MAGI1: variants seen among roughly 807,000 people sequenced by gnomAD.
The protein encoded by MAGI1 is membrane-associated guanylate kinase, WW and PDZ domain-containing protein 1.
A neutral mutation model predicts 139.9 loss-of-function variants in MAGI1; 58 were observed. The ratio of observed to expected loss-of-function variants is 0.41; its 90% CI spans 0.34 to 0.52. The LOEUF is 0.52. MAGI1 is among the 20% of genes least tolerant of loss of function. The pLI, the probability that MAGI1 is intolerant of heterozygous loss-of-function variation, is 0.12. For missense variants in MAGI1, 1,874 were observed against 1,901.6 expected, an observed-to-expected ratio of 0.99 and a Z score of 0.27; for synonymous variants, 812 against 737.9, an observed-to-expected ratio of 1.10 and a Z score of -1.63.
intron 5 of MAGI1, among the ~76,000 whole-genome samples, chr3:65,459,845 G>C (rs1949654270): frequency 6.6e-6 from 1 of 152,020 alleles, no homozygotes; most frequent in Non-Finnish European, 1.5e-5. Context: ...AATCACCTGA[G>C]CTCAGAGAAG....
chr3:65,758,127 GACTCGAGGAGATA>G (rs1258213269), intron 1 of MAGI1, among the ~76,000 whole-genome samples: 19 of 152,138 alleles, frequency 1.2e-4, no homozygotes, highest in Non-Finnish European at 1.6e-4. Context: ...AAGGTCTGTT[GACTCGAGGAGATA>G]AATCTCCCAG....
chr3:65,415,016 AAAAC>A (rs1340399576), intron 12 of MAGI1, among the ~76,000 whole-genome samples: 105 of 67,412 alleles, frequency 1.6e-3, no homozygotes, highest in African/African-American at 3.8e-3. Flanking sequence ...GAAAAAAAAA[AAAAC>A]AAAAAAAAAA....
At chr3:65,382,733 A>G (rs1412922852) in intron 15 of MAGI1, among the ~76,000 whole-genome samples, 3 of 152,194 alleles carry the variant, frequency 2.0e-5, no homozygotes, top group African/African-American at 7.2e-5. Context: ...CATGAACTCG[A>G]GTCAGACCTT....
intron 1 of MAGI1, among the ~76,000 whole-genome samples, chr3:65,917,691 C>T (rs534740685): frequency 2.6e-4 from 39 of 152,184 alleles, no homozygotes; most frequent in Admixed American, 1.1e-3. Context: ...CAATGTGAAA[C>T]GGCTACATAC....
At chr3:65,775,502 C>CA (rs9311958) in intron 1 of MAGI1, among the ~76,000 whole-genome samples, 417 of 36,598 alleles carry the variant, frequency 0.011, 28 homozygotes, top group East Asian at 0.016. Flanking sequence ...CCCACTCTGC[C>CA]AAAAAAAAAA....
intron 3 of MAGI1, among the ~76,000 whole-genome samples, chr3:65,481,268 T>C (rs1951269928): frequency 6.6e-6 from 1 of 152,182 alleles, no homozygotes; most frequent in African/African-American, 2.4e-5. Context: ...GGCTAACACT[T>C]GAGCAAAGAA....
chr3:65,360,028 T>C (rs1038002545), intron 22 of MAGI1: 4 of 985,280 alleles, frequency 4.1e-6, no homozygotes, highest in Admixed American at 6.1e-5. Context: ...GCCATGTCTA[T>C]AGGGGCCTTG....
intron 1 of MAGI1, among the ~76,000 whole-genome samples, chr3:65,904,821 A>G (rs1240377164): frequency 1.3e-5 from 2 of 152,228 alleles, no homozygotes; most frequent in Non-Finnish European, 2.9e-5. Flanking sequence ...ATGTGGATGC[A>G]GCACCTGCCA....
chr3:65,870,156 C>T (rs1483571153), intron 1 of MAGI1, among the ~76,000 whole-genome samples: 1 of 151,794 alleles, frequency 6.6e-6, no homozygotes, highest in African/African-American at 2.4e-5. Flanking sequence ...GACAAATGTG[C>T]GTAATGATCA....
At position 65,454,526 on chromosome 3, in the gene MAGI1, T is replaced by TATAATAATAATA. The variant is rs35819390; in HGVS notation, c.960-1198_960-1187dup. ...TGCACATGTACCCTAAAACTGAAAG[T>TATAATAATAATA]ATAATAATAATAATAATAATAATAA... On this transcript the variant is annotated intron_variant, in intron 5 of 22. Coordinates refer to ENST00000402939, the MANE Select transcript of MAGI1 (RefSeq NM_001033057.2). Among the ~76,000 whole-genome samples the TATAATAATAATA allele has an allele frequency of 5.1e-3, 421 of 83,102 alleles. 1 individual carries two copies. The highest frequency in any genetic ancestry group is 6.8e-3 in the Middle Eastern group (1 of 148). The allele number at this position is 83,102 out of a possible 152,430, so 54.5% of individuals were successfully genotyped here. A position where few individuals can be genotyped will look rare whatever the true frequency, so the allele number is the denominator to read the frequency against.
intron 2 of MAGI1, among the ~76,000 whole-genome samples, chr3:65,539,370 A>G (rs2079104159): frequency 6.6e-6 from 1 of 152,192 alleles, no homozygotes; most frequent in African/African-American, 2.4e-5. Context: ...CTACTGTCAA[A>G]CAGACACATA....
At chr3:65,987,433 A>C (rs2107327725) in intron 1 of MAGI1, among the ~76,000 whole-genome samples, 1 of 152,294 alleles carries the variant, frequency 6.6e-6, no homozygotes, top group African/African-American at 2.4e-5. Flanking sequence ...ATATGAAGCT[A>C]AGATGTAGGT....
intron 2 of MAGI1, among the ~76,000 whole-genome samples, chr3:65,611,819 G>T (rs1243959873): frequency 6.6e-6 from 1 of 151,488 alleles, no homozygotes; most frequent in African/African-American, 2.4e-5. Flanking sequence ...TAACCAACCT[G>T]ACTGAGCTGC....
At chr3:65,962,769 G>A (rs757436071) in intron 1 of MAGI1, among the ~76,000 whole-genome samples, 5 of 146,118 alleles carry the variant, frequency 3.4e-5, no homozygotes, top group Non-Finnish European at 7.4e-5. Flanking sequence ...AGGTTGCAGT[G>A]AGCAGAGATC....
intron 3 of MAGI1, among the ~76,000 whole-genome samples, chr3:65,487,279 G>A (rs79424503): frequency 0.018 from 2,730 of 152,144 alleles, 39 homozygotes; most frequent in Middle Eastern, 0.027. Flanking sequence ...TTGGATATTC[G>A]TTTATTTAAA....
chr3:65,828,558 C>G (rs1259375155), intron 1 of MAGI1, among the ~76,000 whole-genome samples: 2 of 152,120 alleles, frequency 1.3e-5, no homozygotes, highest in African/African-American at 4.8e-5. Context: ...GCTGTACTTT[C>G]CAAACCCCAA....
chr3:65,584,903 A>G (rs1183626040), intron 2 of MAGI1, among the ~76,000 whole-genome samples: 1 of 152,160 alleles, frequency 6.6e-6, no homozygotes, highest in Non-Finnish European at 1.5e-5. Flanking sequence ...ATAATGGGAA[A>G]CTGAACCCAA....
At chr3:65,995,887 ATT>A (rs2066420801) in intron 1 of MAGI1, among the ~76,000 whole-genome samples, 1 of 152,202 alleles carries the variant, frequency 6.6e-6, no homozygotes, top group Non-Finnish European at 1.5e-5. Context: ...AGTCCTAGCT[ATT>A]CAGGAGGCTG....
Position 65,723,482 on chromosome 3 carries a change from G to A in MAGI1, c.314-101394C>T, listed in dbSNP as rs549983647. On this transcript the variant is annotated intron_variant, in intron 1 of 22. Transcript: ENST00000402939. The stretch of plus-strand genomic sequence containing the variant: ...CCATCTCTTGGCACCTCTGGCTGTA[G>A]AATCTCCTCAAGCAGCAGTTTTCAA... 8.9e-4 allele frequency among the ~76,000 whole-genome samples: 136 copies of A among 152,260 alleles called. No homozygotes were observed. The Middle Eastern group carries it at 0.017, about 19-fold the overall frequency.
Sources: gnomAD v4.1 joint callset for allele counts (sites outside exome capture counted in the v4.1 genomes callset) on GRCh38, gnomAD v4.1.1 for gene constraint, MANE v1.5 for transcripts, NCBI Gene and HGNC (gene_info 2026-07-23, HGNC 2026-07-21) for gene names.